Variants in PKD1 observed in about 807,000 individuals in gnomAD.
The protein encoded by PKD1 is polycystin-1.
PKD1 carries 81 observed loss-of-function variants against 361.7 expected under a neutral mutation model. The ratio of observed to expected loss-of-function variants is 0.22; its 90% CI spans 0.19 to 0.27. PKD1 has a LOEUF of 0.27. PKD1 is among the 10% of genes least tolerant of loss of function. The pLI, the probability that PKD1 is intolerant of heterozygous loss-of-function variation, is 1.00. For synonymous variants in PKD1, 3,615 were observed against 2,818.3 expected (o/e 1.28, Z -8.95); for missense variants, 6,399 against 6,118.3 (o/e 1.05, Z -1.53).
At chr16:2,091,259 CCTACGAGGGGGCGGGACG>C (rs2091526808) in intron 42 of PKD1, 85 bp from the exon 43 acceptor site, 1 of 506,290 alleles carries the variant, frequency 2.0e-6, no homozygotes, top group South Asian at 5.7e-5. Flanking sequence ...GGGGCGGGGC[CCTACGAGGGGGCGGGACG>C]CTGCCGGGGC....
In PKD1 at chr16:2,106,540, C is replaced by T. The variant is rs371780418; in HGVS notation, c.7347G>A (p.Thr2449=). Residue 2449 remains threonine (T), a synonymous_variant, in exon 18 of 46, where the codon ACG becomes ACA. Coordinates refer to ENST00000262304, the MANE Select transcript of PKD1 (RefSeq NM_001009944.3). The surrounding 1 kb of genome is among the most constrained non-coding windows in gnomAD (Gnocchi z 6.5). ...CCTCCTCGCCAGAGCGGCCCAGCAC[C>T]GTGAGCGTGAAGGTGTATCCCTCGC... ...RDGEGYTFTL[T]VLGRSGEEEG... The T allele has an allele frequency of 3.7e-5, 59 of 1,596,474 alleles. No individual in the cohort carries two copies. Among genetic ancestry groups the T allele is most frequent in the Middle Eastern group, 4.5e-4 (2 of 4,422 alleles).
rs780284563 is a variant in PKD1 at position 2,100,060 on chromosome 16, G to C, written c.9724C>G (p.Leu3242Val). 11 of 1,597,770 alleles carry C rather than the reference G, an allele frequency of 6.9e-6. 1 individual carries two copies. The Admixed American group carries it at 1.7e-4, about 25-fold the overall frequency. The change falls in exon 29 of 46, where the codon CTT becomes GTT. Residue 3242 changes from leucine (L) to valine (V), a missense_variant. Leu to Val is a conservative substitution (Grantham distance 32). Transcript: ENST00000262304. The surrounding 1 kb of genome is among the most constrained non-coding windows in gnomAD (Gnocchi z 4.4). ...KEVLAASDAA[L>V]LRFRRLLVAE... The stretch of plus-strand genomic sequence containing the variant: ...ACCAGCAGGCGCCGGAAGCGCAAAA[G>C]GGCTGCGTCGCCTAGAAGGCAGGGA...
At chr16:2,105,764 G>A in intron 20 of PKD1, 101 bp downstream of exon 20, 1 of 1,387,898 alleles carries the variant, frequency 7.2e-7, no homozygotes, top group Non-Finnish European at 1.0e-6. Context: ...TTATCTCTGG[G>A]GCCCGGGATG....
In PKD1 at chr16:2,135,515, G is replaced by C; in HGVS notation, c.175C>G (p.Leu59Val). ...GCGGGGATGCGCAGCGCGGGACCGAGCGTCCGCAGCCCGCGGCCCGAGCAG... is the reference window on the plus strand; with the variant it reads ...GCGGGGATGCGCAGCGCGGGACCGACCGTCCGCAGCCCGCGGCCCGAGCAG... ...VNCSGRGLRT[L>V]GPALRIPADA... Residue 59 changes from leucine (L) to valine (V), a missense_variant, in exon 1 of 46, where the codon CTC (leucine) becomes GTC (valine). By Grantham distance (32) the Leu-to-Val change is conservative (BLOSUM62 1). Coordinates refer to ENST00000262304, the MANE Select transcript of PKD1 (RefSeq NM_001009944.3). 1 of 1,168,542 alleles carries C rather than the reference G, an allele frequency of 8.6e-7. No homozygotes were observed. The allele number at this position is 1,168,542 out of a possible 1,614,324, so 72.4% of individuals were successfully genotyped here.
intron 34 of PKD1, among the ~76,000 whole-genome samples, chr16:2,094,527 C>A (rs1041954556): frequency 6.6e-6 from 1 of 152,216 alleles, no homozygotes; most frequent in Non-Finnish European, 1.5e-5. Flanking sequence ...AATGAGCCCC[C>A]CTTCAACCCT....
rs2003782 is a variant in PKD1, at chr16:2,106,446, G to A, written c.7441C>T (p.Leu2481=). 0.17 allele frequency: 268,246 copies of A among 1,588,648 alleles called. 27,594 individuals are homozygous for A. Among genetic ancestry groups the A allele is most frequent in the African/African-American group, 0.48 (35,782 of 74,492 alleles). Residue 2481 remains leucine, a synonymous_variant, in exon 18 of 46, where the codon CTG becomes TTG. Coordinates refer to ENST00000262304, the MANE Select transcript of PKD1 (RefSeq NM_001009944.3). The surrounding 1 kb of genome is among the most constrained non-coding windows in gnomAD (Gnocchi z 6.5). ...PLGGSCRLFP[L]GAVHALTTKV... The stretch of plus-strand genomic sequence containing the variant: ...GTGGTGAGGGCGTGCACAGCGCCCA[G>A]TGGGAAGAGGCGGCAAGAGCCCCCC...
Position 2,114,854 on chromosome 16 carries a change from A to C in PKD1, c.2169T>G (p.Pro723=), listed in dbSNP as rs942450716. 3 of 1,488,242 alleles carry C rather than the reference A, an allele frequency of 2.0e-6. No individual in the cohort carries two copies. The African/African-American group carries it at 4.2e-5, about 21-fold the overall frequency. 92.2% of individuals were successfully genotyped at this position (1,488,242 alleles called of 1,614,324 possible). The part of the protein sequence containing the change: ...DLVGLQHDAG[P]GALLHCSPAP... ...CCGGCGAGCAGTGCAGGAGGGCGCC[A>C]GGGCCAGCGTCGTGCTGCAAGCCAA... is the stretch of plus-strand genomic sequence containing the variant. Residue 723 remains proline (P), a synonymous_variant, in exon 11 of 46, where the codon CCT becomes CCG. Coordinates refer to ENST00000262304, the MANE Select transcript of PKD1 (RefSeq NM_001009944.3).
chr16:2,090,707 C>A lies in PKD1; in HGVS notation c.12105G>T (p.Val4035=). The change falls in exon 44 of 46, where the codon GTG becomes GTT. Residue 4035 remains valine (V), a synonymous_variant. Transcript: ENST00000262304. ...CCAGCTGGGCGTAGGCTACCCCGAG[C>A]ACCACCAGGCCCAAGGTGACCCCCA... The part of the protein sequence containing the change: ...ELLGVTLGLV[V]LGVAYAQLAI... 1 of 1,612,504 alleles carries A rather than the reference C, an allele frequency of 6.2e-7. No individual in the cohort carries two copies. Among genetic ancestry groups the A allele is most frequent in the Non-Finnish European group, 8.5e-7 (1 of 1,179,968 alleles).
At position 2,090,972 on chromosome 16, in the gene PKD1, C is replaced by A; in HGVS notation, c.11915G>T (p.Arg3972Leu). 2 of 1,539,394 alleles carry A rather than the reference C, an allele frequency of 1.3e-6. No individual in the cohort carries two copies. Among genetic ancestry groups the A allele is most frequent in the South Asian group, 2.4e-5 (2 of 84,886 alleles). Residue 3972 changes from arginine (R) to leucine (L), a missense_variant, in exon 43 of 46, where the codon CGC becomes CTC. Transcript: ENST00000262304. ...CACCTGGTCGAAGCTAGTGAAGCGG[C>A]GCGGGCGGCCGCGCACGAAACGGGT... ...QWTRFVRGRP[R>L]RFTSFDQVAQ...
Position 2,109,726 on chromosome 16 carries a change from C to T in PKD1, c.5441G>A (p.Gly1814Asp). Residue 1814 changes from glycine to aspartate, a missense_variant, in exon 15 of 46, where the codon GGC (glycine) becomes GAC (aspartate). Gly to Asp is a moderately conservative substitution (Grantham distance 94, BLOSUM62 -1). Coordinates refer to ENST00000262304, the MANE Select transcript of PKD1 (RefSeq NM_001009944.3). ...AGAGGACCCGGCCGCCACGAAGCTG[C>T]CTCCGGGCTCGCTGGCCCTGATGCT... Reference protein sequence around the residue: ...GLSIRASEPGGSFVAAGSSVP... With the variant: ...GLSIRASEPGDSFVAAGSSVP... 6.2e-7 allele frequency: 1 copy of T among 1,607,252 alleles called. No homozygotes were observed. The highest frequency in any genetic ancestry group is 8.5e-7 in the Non-Finnish European group (1 of 1,178,298).
rs1162659725 is a variant in PKD1 at position 2,116,433 on chromosome 16, C to T, written c.1722+96G>A. The T allele has an allele frequency of 8.7e-6, 6 of 688,564 alleles. No individual in the cohort carries two copies. The East Asian group carries it at 1.4e-4, about 16-fold the overall frequency. The allele number at this position is 688,564 out of a possible 1,614,324, so 42.7% of individuals were successfully genotyped here. On this transcript the variant is annotated intron_variant, in intron 8 of 45. Transcript: ENST00000262304. ...CACTGGGCACAAGCAACATTAAGGC[C>T]CCCAAGTTTTTTGGCGAGACCCACA...
rs2092323879 is a variant in PKD1, at chr16:2,106,000, C to T, written c.7728G>A (p.Glu2576=). The T allele has an allele frequency of 3.1e-6, 5 of 1,604,980 alleles. No individual in the cohort carries two copies. The highest frequency in any genetic ancestry group is 1.3e-5 in the African/African-American group (1 of 74,760). The change falls in exon 20 of 46, where the codon GAG becomes GAA. Residue 2576 remains glutamate, a synonymous_variant. Transcript: ENST00000262304. ...TGAGCCCCGTTGCGCTGCCGTTGGG[C>T]TCTGGGAGGGTGATGGCCAAAGACC... ...LNRSLAITLP[E]PNGSATGLTV... is the part of the protein sequence containing the mutation.
At chr16:2,101,262 G>T (rs2092085524) in intron 26 of PKD1, among the ~76,000 whole-genome samples, 1 of 152,140 alleles carries the variant, frequency 6.6e-6, no homozygotes, top group Admixed American at 6.5e-5. Context: ...CGGATTACAG[G>T]TGTGAGCCAC....
chr16:2,105,604 A>G, intron 20 of PKD1, 130 bp from the exon 21 acceptor site: 1 of 1,580,156 alleles, frequency 6.3e-7, no homozygotes, highest in Non-Finnish European at 8.5e-7. Context: ...GACCCACAAC[A>G]CTGAGCTGTT....
rs541661201 is a variant in PKD1, at chr16:2,109,395, G to A, written c.5772C>T (p.Gly1924=). Residue 1924 remains glycine (G), a synonymous_variant, in exon 15 of 46, where the codon GGC becomes GGT. Transcript: ENST00000262304. The part of the protein sequence containing the change: ...GSAVTFRLQV[G]GANPEVLPGP... ...CGGGGAGCACCTCGGGGTTGGCCCCGCCGACCTGCAGGCGGAAGGTGACAG... is the reference window on the plus strand; with the variant it reads ...CGGGGAGCACCTCGGGGTTGGCCCCACCGACCTGCAGGCGGAAGGTGACAG... 590 of 1,598,490 alleles carry A rather than the reference G, an allele frequency of 3.7e-4. 3 individuals are homozygous for A. In the South Asian group the frequency reaches 5.4e-3, roughly 15 times the overall value.
chr16:2,091,448 C>G lies in PKD1; in HGVS notation c.11687G>C (p.Gly3896Ala). 2.5e-6 allele frequency: 3 copies of G among 1,219,756 alleles called. No homozygotes were observed. The highest frequency in any genetic ancestry group is 3.1e-6 in the Non-Finnish European group (3 of 977,390). 75.6% of individuals were successfully genotyped at this position (1,219,756 alleles called of 1,614,324 possible). A position where few individuals can be genotyped will look rare whatever the true frequency, so the allele number is the denominator to read the frequency against. ...CGAGGTGAGCAGAGGCAGCGAGAGG[C>G]CCGCGCTGAGGCGGCGCAGCGCAAA... ...RPFALRRLSA[G>A]LSLPLLTSVC... The change falls in exon 42 of 46, where the codon GGC becomes GCC. Residue 3896 changes from glycine (G) to alanine (A), a missense_variant. Gly to Ala is a moderately conservative substitution (Grantham distance 60). Transcript: ENST00000262304.
In PKD1 at chr16:2,105,558, G is replaced by A. The variant is rs886379767; in HGVS notation, c.7864-84C>T. The A allele has an allele frequency of 6.9e-6, 11 of 1,594,536 alleles. No homozygotes were observed. The African/African-American group carries it at 9.4e-5, about 14-fold the overall frequency. ...AGCAGATGCCCACGACTCCCGGGGT[G>A]CAGTTACGTGCTAGACGCTGTGTGA... On this transcript the variant is annotated intron_variant, in intron 20 of 45. Transcript: ENST00000262304.
rs1228152242 is a variant in PKD1 at position 2,111,720 on chromosome 16, G to C, written c.3447C>G (p.His1149Gln). Residue 1149 changes from histidine (H) to glutamine (Q), a missense_variant, in exon 15 of 46, where the codon CAC becomes CAG. His to Gln is a conservative substitution (Grantham distance 24, BLOSUM62 0). Coordinates refer to ENST00000262304, the MANE Select transcript of PKD1 (RefSeq NM_001009944.3). ...GAACACCCCCAGGCGAGGGCAGCGG[G>C]TGCGGGTAGAAGGTGACGGGCCGGC... ...VAGRPVTFYP[H>Q]PLPSPGGVLY... is the part of the protein sequence containing the mutation. 1.9e-6 allele frequency: 3 copies of C among 1,592,778 alleles called. No homozygotes were observed. Among genetic ancestry groups the C allele is most frequent in the South Asian group, 2.3e-5 (2 of 88,780 alleles).
rs1421825808 is a variant in PKD1 at position 2,115,928 on chromosome 16, C to T, written c.1849+64G>A. 6 of 1,526,478 alleles carry T rather than the reference C, an allele frequency of 3.9e-6. No homozygotes were observed. In the Admixed American group the frequency reaches 5.9e-5, roughly 15 times the overall value. 94.6% of individuals were successfully genotyped at this position (1,526,478 alleles called of 1,614,324 possible). A position where few individuals can be genotyped will look rare whatever the true frequency, so the allele number is the denominator to read the frequency against. On this transcript the variant is annotated intron_variant, in intron 9 of 45. Coordinates refer to ENST00000262304, the MANE Select transcript of PKD1 (RefSeq NM_001009944.3). ...GCCACAGGACCAGCAGACGTGAAAGCTCAGAGAGGCCACCCCGAGTCCTGC... is the reference window on the plus strand; with the variant it reads ...GCCACAGGACCAGCAGACGTGAAAGTTCAGAGAGGCCACCCCGAGTCCTGC...
Sources: gnomAD v4.1 joint callset for allele counts (sites outside exome capture counted in the v4.1 genomes callset) on GRCh38, gnomAD v4.1.1 for gene constraint, Gnocchi (gnomAD v3.1) non-coding constraint, MANE v1.5 for transcripts, NCBI Gene and HGNC (gene_info 2026-07-23, HGNC 2026-07-21) for gene names.